BMPR2: variants seen among roughly 807,000 people sequenced by gnomAD.
BMPR2 encodes bone morphogenetic protein receptor type 2, also known as bone morphogenetic protein receptor type-2.
BMPR2 carries 29 observed loss-of-function variants against 100.8 expected under a neutral mutation model. The observed-to-expected ratio is 0.29, with a 90% CI of 0.21 to 0.39. The LOEUF (loss-of-function observed/expected upper bound fraction) is 0.39, where lower values mean the gene tolerates loss of function less well. Among genes scored for constraint, BMPR2 ranks in the 10% least tolerant of loss-of-function variants. The probability of loss-of-function intolerance (pLI) is 1.00; values close to 1 mark genes in which losing one functional copy is unlikely to be tolerated. For synonymous variants in BMPR2, 382 were observed against 442.3 expected (o/e 0.86, Z 1.71); for missense variants, 1,011 against 1,274.5 (o/e 0.79, Z 3.15).
intron 1 of BMPR2, among the ~76,000 whole-genome samples, chr2:202,432,755 T>C (rs1691533160): frequency 1.3e-5 from 2 of 150,706 alleles, no homozygotes; most frequent in South Asian, 4.1e-4. Flanking sequence ...TCTGTTCTGT[T>C]TCTCAGATTC....
intron 3 of BMPR2, among the ~76,000 whole-genome samples, chr2:202,493,373 G>A (rs899073452): frequency 6.6e-6 from 1 of 152,014 alleles, no homozygotes; most frequent in African/African-American, 2.4e-5. Context: ...TAGTACAATA[G>A]AGGTAATTAA....
rs750314179 is a variant in BMPR2 at position 202,501,054 on chromosome 2, C to A, written c.419-12665C>A. On this transcript the variant is annotated intron_variant, in intron 3 of 12. Transcript: ENST00000374580. ...TATGTGGATGATTTACTTTTGGCTA[C>A]CAGTTCGGAAGCCTCGTGCCAGCAG... Among the ~76,000 whole-genome samples, 115 of 152,280 alleles carry A rather than the reference C, an allele frequency of 7.6e-4. 1 individual carries two copies. In the Middle Eastern group the frequency reaches 0.01, roughly 14 times the overall value.
intron 1 of BMPR2, among the ~76,000 whole-genome samples, chr2:202,425,356 G>T (rs1438007257): frequency 6.6e-6 from 1 of 152,210 alleles, no homozygotes; most frequent in Non-Finnish European, 1.5e-5. Flanking sequence ...ACAGGAAACA[G>T]AAGCGAGGTA....
At chr2:202,505,342 T>C (rs1468302333) in intron 3 of BMPR2, 1 of 110,048 alleles carries the variant, frequency 9.1e-6, no homozygotes, top group Non-Finnish European at 1.8e-5. Flanking sequence ...TAGGAGCAGC[T>C]TTTTTTTTTT....
At chr2:202,423,370 A>G (rs1468596582) in intron 1 of BMPR2, among the ~76,000 whole-genome samples, 3 of 152,240 alleles carry the variant, frequency 2.0e-5, no homozygotes, top group African/African-American at 7.2e-5. Flanking sequence ...AGGAGATCAG[A>G]ACTTGGCTCC....
intron 3 of BMPR2, among the ~76,000 whole-genome samples, chr2:202,500,937 C>T (rs972934212): frequency 1.3e-5 from 2 of 152,082 alleles, no homozygotes; most frequent in East Asian, 1.9e-4. Context: ...ATGGTCTTGC[C>T]CCAGGGGTTT....
At chr2:202,513,588 A>T in intron 3 of BMPR2, 131 bp from the exon 4 acceptor site, 8 of 630,294 alleles carry the variant, frequency 1.3e-5, no homozygotes, top group African/African-American at 3.7e-5. Context: ...TTTTTCTTTC[A>T]TTTCCTTTGA....
chr2:202,476,849 A>T (rs937014253), intron 3 of BMPR2, among the ~76,000 whole-genome samples: 4 of 152,048 alleles, frequency 2.6e-5, no homozygotes, highest in African/African-American at 7.2e-5. Context: ...GAATACACGG[A>T]CAACTTCAAT....
chr2:202,497,395 G>C (rs1167143272), intron 3 of BMPR2, among the ~76,000 whole-genome samples: 1 of 152,226 alleles, frequency 6.6e-6, no homozygotes, highest in Non-Finnish European at 1.5e-5. Flanking sequence ...TAAATACCGG[G>C]CACCTTATTG....
chr2:202,490,373 G>A (rs1692876420), intron 3 of BMPR2, among the ~76,000 whole-genome samples: 1 of 151,996 alleles, frequency 6.6e-6, no homozygotes, highest in Non-Finnish European at 1.5e-5. Context: ...TCAAAGATAT[G>A]TATATATACA....
At chr2:202,393,468 A>G (rs1354411084) in intron 1 of BMPR2, among the ~76,000 whole-genome samples, 1 of 151,930 alleles carries the variant, frequency 6.6e-6, no homozygotes, top group Non-Finnish European at 1.5e-5. Context: ...AAAAATATAT[A>G]TATTTTTTTG....
Position 202,566,002 on chromosome 2 carries a change from A to G in BMPR2, c.*6056A>G, listed in dbSNP as rs1182553088. ...GATGTTTGTAGTGTTACTATTAAAC[A>G]TTGTGAACATACACATTTTTAAAAC... On this transcript the variant is annotated 3_prime_UTR_variant, in exon 13 of 13. Coordinates refer to ENST00000374580, the MANE Select transcript of BMPR2 (RefSeq NM_001204.7). 2 of 152,192 alleles carry G rather than the reference A, an allele frequency of 1.3e-5. No individual in the cohort carries two copies. The highest frequency in any genetic ancestry group is 2.9e-5 in the Non-Finnish European group (2 of 67,996). The allele number at this position is 152,192 out of a possible 1,614,324, so 9.4% of individuals were successfully genotyped here. A position where few individuals can be genotyped will look rare whatever the true frequency, so the allele number is the denominator to read the frequency against.
At chr2:202,403,211 T>A (rs1217670617) in intron 1 of BMPR2, among the ~76,000 whole-genome samples, 1 of 37,582 alleles carries the variant, frequency 2.7e-5, no homozygotes, top group Admixed American at 3.0e-4. Context: ...CCTCCCCTCC[T>A]CTTTTCGAGA....
At position 202,469,367 on chromosome 2, in the gene BMPR2, C is replaced by T. The variant is rs117490427; in HGVS notation, c.418+1678C>T. 730 of 171,746 alleles carry T rather than the reference C, an allele frequency of 4.3e-3. 6 individuals carry two copies. Among genetic ancestry groups the T allele is most frequent in the Admixed American group, 0.028 (461 of 16,216 alleles). The allele number at this position is 171,746 out of a possible 1,614,324, so 10.6% of individuals were successfully genotyped here. On this transcript the variant is annotated intron_variant, in intron 3 of 12. Coordinates refer to ENST00000374580, the MANE Select transcript of BMPR2 (RefSeq NM_001204.7). The stretch of plus-strand genomic sequence containing the variant: ...TGTATGTAGTTTTTACTGTTGGCAT[C>T]GTGTCACTATTCTACGTAAGCAAAC...
intron 1 of BMPR2, among the ~76,000 whole-genome samples, chr2:202,384,138 C>CT (rs1170308051): frequency 5.9e-5 from 9 of 152,214 alleles, no homozygotes; most frequent in African/African-American, 2.2e-4. Context: ...TGCCACTTTA[C>CT]TCCAGCCTTG....
intron 1 of BMPR2, among the ~76,000 whole-genome samples, chr2:202,446,742 C>G (rs1265843107): frequency 6.7e-6 from 1 of 149,258 alleles, no homozygotes; most frequent in Non-Finnish European, 1.5e-5. Context: ...CCTCTACCTC[C>G]CAGGTTCAAG....
rs1211630325 is a variant in BMPR2, at chr2:202,483,369, G to C, written c.418+15680G>C. 7.3e-5 allele frequency among the ~76,000 whole-genome samples: 11 copies of C among 150,980 alleles called. No individual in the cohort carries two copies. The South Asian group carries it at 2.1e-3, about 29-fold the overall frequency. Reference sequence around the variant, plus strand: ...TATTTTTGTTTTTGTTTGTTGGTTGGTTTTTGTTTTTTTGTTTTTGTTTTT... The same window carrying C: ...TATTTTTGTTTTTGTTTGTTGGTTGCTTTTTGTTTTTTTGTTTTTGTTTTT... On this transcript the variant is annotated intron_variant, in intron 3 of 12. Coordinates refer to ENST00000374580, the MANE Select transcript of BMPR2 (RefSeq NM_001204.7).
intron 1 of BMPR2, among the ~76,000 whole-genome samples, chr2:202,383,697 C>G (rs1000210357): frequency 1.4e-5 from 2 of 147,692 alleles, no homozygotes; most frequent in Non-Finnish European, 3.0e-5. Flanking sequence ...AAGAAAAAAA[C>G]AAAATTAGCC....
chr2:202,551,001 G>A (rs1056819933), intron 10 of BMPR2, among the ~76,000 whole-genome samples: 2 of 132,390 alleles, frequency 1.5e-5, no homozygotes, highest in Non-Finnish European at 3.1e-5. Context: ...CTGTCGCCCA[G>A]GCTGGAGTGC....
Sources: allele counts gnomAD v4.1 joint callset (sites outside exome capture counted in the v4.1 genomes callset), GRCh38; gene constraint gnomAD v4.1.1; transcripts MANE v1.5; gene names NCBI Gene and HGNC (gene_info 2026-07-23, HGNC 2026-07-21).